NDUFC1: variants seen among roughly 807,000 people sequenced by gnomAD.
NDUFC1 encodes NADH:ubiquinone oxidoreductase subunit C1.
In NDUFC1, 11 loss-of-function variants were observed where a neutral mutation model predicts 11.6. That is an observed-to-expected ratio of 0.95 (90% CI 0.60 to 1.58). The LOEUF is 1.58. Among genes scored for constraint, NDUFC1 ranks in the 40% most tolerant of loss-of-function variants. The probability of loss-of-function intolerance (pLI) is 0.00; values close to 1 mark genes in which losing one functional copy is unlikely to be tolerated. For missense variants in NDUFC1, 112 were observed against 93.0 expected, an observed-to-expected ratio of 1.20 and a Z score of -0.84; for synonymous variants, 52 against 42.2, an observed-to-expected ratio of 1.23 and a Z score of -0.90.
chr4:139,296,025 T>C (rs1745456816), intron 2 of NDUFC1, 65 bp from the exon 3 acceptor site: 1 of 511,234 alleles, frequency 2.0e-6, no homozygotes, highest in Non-Finnish European at 3.4e-6. Context: ...CTCTGTCCTC[T>C]GGGGGTTTTT....
chr4:139,302,029 C>T lies in NDUFC1; in HGVS notation c.-222+387G>A, dbSNP rs72939464. On this transcript the variant is annotated intron_variant, in intron 1 of 5. Coordinates refer to ENST00000394223, the MANE Select transcript of NDUFC1 (RefSeq NM_001184989.2). ...CCCGCGCGCCAGGGACCACAGGCTT[C>T]TTCATTCCATCCCCACGCTTGAGGC... is the stretch of plus-strand genomic sequence containing the variant. 2.5e-3 allele frequency: 1,229 copies of T among 490,090 alleles called. 13 individuals carry two copies. The highest frequency in any genetic ancestry group is 0.022 in the African/African-American group (1,121 of 49,996). 30.4% of individuals were successfully genotyped at this position (490,090 alleles called of 1,614,324 possible).
chr4:139,301,302 G>C, intron 1 of NDUFC1: 1 of 387,868 alleles, frequency 2.6e-6, no homozygotes, highest in Admixed American at 4.4e-5. Flanking sequence ...CTAGCCTCCC[G>C]TAGCTCCGCG....
At chr4:139,301,655 C>G in intron 1 of NDUFC1, 1 of 1,171,816 alleles carries the variant, frequency 8.5e-7, no homozygotes, top group Admixed American at 2.3e-5. Context: ...CACCCGAGGC[C>G]TGGTGGTGGC....
At position 139,295,950 on chromosome 4, in the gene NDUFC1, C is replaced by G; in HGVS notation, c.-152G>C. The G allele has an allele frequency of 1.4e-6, 1 of 701,768 alleles. No homozygotes were observed. The highest frequency in any genetic ancestry group is 3.2e-5 in the Admixed American group (1 of 31,146). 43.5% of individuals were successfully genotyped at this position (701,768 alleles called of 1,614,324 possible). A position where few individuals can be genotyped will look rare whatever the true frequency, so the allele number is the denominator to read the frequency against. On this transcript the variant is annotated 5_prime_UTR_variant, in exon 3 of 6. An upstream open reading frame in the 5' UTR loses its in-frame stop. Coordinates refer to ENST00000394223, the MANE Select transcript of NDUFC1 (RefSeq NM_001184989.2). ...GCAAGGTTCTCTAGCACCCCGGCCT[C>G]AGCCTTCTGTCTATACAGTGGAATT...
At position 139,301,478 on chromosome 4, in the gene NDUFC1, G is replaced by A. The variant is rs1745730373; in HGVS notation, c.-222+938C>T. The A allele has an allele frequency of 8.8e-6, 4 of 456,084 alleles. No individual in the cohort carries two copies. The East Asian group carries it at 1.4e-4, about 16-fold the overall frequency. The allele number at this position is 456,084 out of a possible 1,614,324, so 28.3% of individuals were successfully genotyped here. A position where few individuals can be genotyped will look rare whatever the true frequency, so the allele number is the denominator to read the frequency against. On this transcript the variant is annotated intron_variant, in intron 1 of 5. Transcript: ENST00000394223. The stretch of plus-strand genomic sequence containing the variant: ...GCGTGTTAGGAAGCGTGACCCGGGT[G>A]GGAAAACCCTCCGCGTCCGCCATTT...
Position 139,295,247 on chromosome 4 carries a change from C to T in NDUFC1, c.68-101G>A, listed in dbSNP as rs1433023648. Reference sequence around the variant, plus strand: ...TTATCGCATTTAATTCTCCCTTCAACTCCCCCATCTCCCACTTAAACAGCC... The same window carrying T: ...TTATCGCATTTAATTCTCCCTTCAATTCCCCCATCTCCCACTTAAACAGCC... On this transcript the variant is annotated intron_variant, in intron 3 of 5. Coordinates refer to ENST00000394223, the MANE Select transcript of NDUFC1 (RefSeq NM_001184989.2). The T allele has an allele frequency of 4.7e-6, 4 of 845,808 alleles. No homozygotes were observed. In the Admixed American group the frequency reaches 8.1e-5, roughly 17 times the overall value. The allele number at this position is 845,808 out of a possible 1,614,324, so 52.4% of individuals were successfully genotyped here.
At chr4:139,301,594 G>C in intron 1 of NDUFC1, 1 of 654,810 alleles carries the variant, frequency 1.5e-6, no homozygotes, top group South Asian at 1.9e-5. Flanking sequence ...AGTGAGAAAG[G>C]AAAAAAGACA....
At chr4:139,290,716 C>CAT (rs376295863) in intron 5 of NDUFC1, among the ~76,000 whole-genome samples, 2,496 of 145,576 alleles carry the variant, frequency 0.017, 33 homozygotes, top group South Asian at 0.037. Context: ...AGAAATACAC[C>CAT]ATATATATAT....
At chr4:139,302,485 G>A (rs1745830493), upstream of NDUFC1, 1 of 152,218 alleles carries the variant, frequency 6.6e-6, no homozygotes, top group Non-Finnish European at 1.5e-5. Flanking sequence ...TCTGGAGTAG[G>A]GATGAGGCAT....
intron 3 of NDUFC1, 69 bp from the exon 4 acceptor site, chr4:139,295,215 G>T (rs1315551721): frequency 1.7e-6 from 2 of 1,190,276 alleles, no homozygotes; most frequent in Non-Finnish European, 2.5e-6. Flanking sequence ...TAACATTTAC[G>T]TGCGTATTAT....
At chr4:139,294,955 T>C (rs1041183149) in intron 4 of NDUFC1, 88 bp downstream of exon 4, 32 of 942,930 alleles carry the variant, frequency 3.4e-5, no homozygotes, top group Middle Eastern at 4.7e-4. Context: ...CCATACAACA[T>C]ATAACAGCAC....
chr4:139,294,657 C>A (rs1363310802), intron 4 of NDUFC1, among the ~76,000 whole-genome samples: 1 of 151,496 alleles, frequency 6.6e-6, no homozygotes, highest in African/African-American at 2.4e-5. Context: ...ATGGCGTGAA[C>A]CCGCGAGGCA....
At chr4:139,291,528 T>C (rs970068337) in intron 5 of NDUFC1, among the ~76,000 whole-genome samples, 1 of 151,948 alleles carries the variant, frequency 6.6e-6, no homozygotes, top group African/African-American at 2.4e-5. Flanking sequence ...TGAGCCAAGA[T>C]TGTGCCACTG....
intron 1 of NDUFC1, chr4:139,301,933 G>A: frequency 7.8e-7 from 1 of 1,285,840 alleles, no homozygotes; most frequent in Non-Finnish European, 1.1e-6. Context: ...CTCCCGCCCG[G>A]GACCCCGCCT....
At chr4:139,301,920 C>G in intron 1 of NDUFC1, 1 of 1,384,030 alleles carries the variant, frequency 7.2e-7, no homozygotes, top group Non-Finnish European at 9.9e-7. Context: ...GGGCACTGAG[C>G]CACTCCCGCC....
Position 139,295,074 on chromosome 4 carries a change from G to C in NDUFC1, c.140C>G (p.Thr47Ser), listed in dbSNP as rs765841464. ...CCACAAGAAGACAGTGGTGCCCAAGGTGAACCCAACTTTCAGCCAGTCAGG... is the reference window on the plus strand; with the variant it reads ...CCACAAGAAGACAGTGGTGCCCAAGCTGAACCCAACTTTCAGCCAGTCAGG... The part of the protein sequence containing the change: ...AKPDWLKVGF[T>S]LGTTVFLWIY... The change falls in exon 4 of 6, where the codon ACC (threonine) becomes AGC (serine). Residue 47 changes from threonine to serine, a missense_variant. Coordinates refer to ENST00000394223, the MANE Select transcript of NDUFC1 (RefSeq NM_001184989.2). 81 of 1,614,064 alleles carry C rather than the reference G, an allele frequency of 5.0e-5. No individual in the cohort carries two copies. The highest frequency in any genetic ancestry group is 6.6e-5 in the Non-Finnish European group (78 of 1,180,028).
rs201392804 is a variant in NDUFC1, at chr4:139,301,847, C to T, written c.-222+569G>A. On this transcript the variant is annotated intron_variant, in intron 1 of 5. Coordinates refer to ENST00000394223, the MANE Select transcript of NDUFC1 (RefSeq NM_001184989.2). ...GCGGATCTTGGTAAGTGTGAGGCTC[C>T]GGGCAAGCGGTGGGGAGGATTTAGC... 248 of 1,581,716 alleles carry T rather than the reference C, an allele frequency of 1.6e-4. 1 individual carries two copies. Among genetic ancestry groups the T allele is most frequent in the East Asian group, 1.3e-3 (57 of 42,246 alleles).
intron 5 of NDUFC1, among the ~76,000 whole-genome samples, chr4:139,291,360 A>T (rs1017878243): frequency 6.6e-6 from 1 of 151,898 alleles, no homozygotes; most frequent in Non-Finnish European, 1.5e-5. Context: ...GCAGATCACG[A>T]GGTCAAGAGA....
At chr4:139,297,297 T>C (rs1170266384) in intron 2 of NDUFC1, 88 bp downstream of exon 2, 2 of 152,214 alleles carry the variant, frequency 1.3e-5, no homozygotes, top group East Asian at 3.8e-4. Context: ...GAAAGACTGC[T>C]TTGTTCTTTT....
Sources: allele counts gnomAD v4.1 joint callset (sites outside exome capture counted in the v4.1 genomes callset), GRCh38; gene constraint gnomAD v4.1.1; transcripts MANE v1.5; gene names NCBI Gene and HGNC (gene_info 2026-07-23, HGNC 2026-07-21).